The following PGM2 variants were observed in gnomAD, a reference collection of about 807,000 sequenced individuals.
The protein encoded by PGM2 is phosphopentomutase.
In PGM2, 57 loss-of-function variants were observed where a neutral mutation model predicts 74.6. That is an observed-to-expected ratio of 0.76 (90% CI 0.62 to 0.95). The LOEUF (loss-of-function observed/expected upper bound fraction) is 0.95. Among genes scored for constraint, PGM2 ranks in the 40% least tolerant of loss-of-function variants. PGM2 has a pLI of 0.00. For synonymous variants in PGM2, 273 were observed against 260.7 expected, an observed-to-expected ratio of 1.05 and a Z score of -0.46; for missense variants, 706 against 741.9, an observed-to-expected ratio of 0.95 and a Z score of 0.56.
intron 13 of PGM2, among the ~76,000 whole-genome samples, chr4:37,856,466 C>T (rs1219381055): frequency 6.6e-6 from 1 of 152,164 alleles, no homozygotes; most frequent in African/African-American, 2.4e-5. Context: ...GTAGACAGGT[C>T]TGTGCTGGGT....
At chr4:37,861,208 G>A (rs1423599967) in intron 13 of PGM2, among the ~76,000 whole-genome samples, 1 of 152,114 alleles carries the variant, frequency 6.6e-6, no homozygotes, top group Non-Finnish European at 1.5e-5. Flanking sequence ...AGATCTTTTA[G>A]GGATGCTAGG....
At chr4:37,841,646 C>T (rs79775208) in intron 6 of PGM2, among the ~76,000 whole-genome samples, 12,418 of 152,166 alleles carry the variant, frequency 0.082, 971 homozygotes, top group East Asian at 0.18. Context: ...TGTGTGAAAT[C>T]TCCTAATTCC....
intron 13 of PGM2, among the ~76,000 whole-genome samples, chr4:37,856,808 A>G (rs900656071): frequency 1.3e-5 from 2 of 152,210 alleles, no homozygotes; most frequent in Non-Finnish European, 1.5e-5. Flanking sequence ...TTGATTTTCT[A>G]CTTGTCACCT....
At chr4:37,841,164 G>T (rs1725715446) in intron 6 of PGM2, among the ~76,000 whole-genome samples, 1 of 123,842 alleles carries the variant, frequency 8.1e-6, no homozygotes, top group Admixed American at 8.0e-5. Flanking sequence ...ATATTTGTGT[G>T]TGTGTGTGTG....
chr4:37,838,971 T>C lies in PGM2; in HGVS notation c.442-877T>C, dbSNP rs187670824. On this transcript the variant is annotated intron_variant, in intron 4 of 13. Coordinates refer to ENST00000381967, the MANE Select transcript of PGM2 (RefSeq NM_018290.4). ...TTGCCTGTGTGTAATCAATGTCATT[T>C]GCCACAGTAGGGGGAATAATCCAAC... 5.9e-5 allele frequency among the ~76,000 whole-genome samples: 9 copies of C among 152,280 alleles called. No homozygotes were observed. In the East Asian group the frequency reaches 1.5e-3, roughly 26 times the overall value.
At position 37,829,031 on chromosome 4, in the gene PGM2, G is replaced by A. The variant is rs568495659; in HGVS notation, c.82-933G>A. On this transcript the variant is annotated intron_variant, in intron 1 of 13. Coordinates refer to ENST00000381967, the MANE Select transcript of PGM2 (RefSeq NM_018290.4). ...GTTTAATTAAATGGCCACGTCCTGCGTGAGTGCTCATCTAAATGGATAATG... is the reference window on the plus strand; with the variant it reads ...GTTTAATTAAATGGCCACGTCCTGCATGAGTGCTCATCTAAATGGATAATG... Among the ~76,000 whole-genome samples the A allele has an allele frequency of 6.6e-5, 10 of 152,302 alleles. No homozygotes were observed. In the East Asian group the frequency reaches 1.2e-3, roughly 18 times the overall value.
Position 37,855,833 on chromosome 4 carries a change from A to G in PGM2, c.1736+92A>G, listed in dbSNP as rs1038788043. 36 of 1,077,406 alleles carry G rather than the reference A, an allele frequency of 3.3e-5. No homozygotes were observed. The African/African-American group carries it at 5.4e-4, about 16-fold the overall frequency. 66.7% of individuals were successfully genotyped at this position (1,077,406 alleles called of 1,614,324 possible). On this transcript the variant is annotated intron_variant, in intron 13 of 13. Coordinates refer to ENST00000381967, the MANE Select transcript of PGM2 (RefSeq NM_018290.4). ...GCCAAGTGAAATGTTCCATCTTTCT[A>G]ATAGGTAATTTAATTAGAAATGCTG...
In PGM2 at chr4:37,848,670, T is replaced by C. The variant is rs771848121; in HGVS notation, c.1412+19T>C. On this transcript the variant is annotated intron_variant, in intron 11 of 13. Coordinates refer to ENST00000381967, the MANE Select transcript of PGM2 (RefSeq NM_018290.4). The stretch of plus-strand genomic sequence containing the variant: ...ATGTGGAGTAAGTTGTTATTGACTC[T>C]GTTGGATTGAAATAATATTTTGAAA... 11 of 1,577,138 alleles carry C rather than the reference T, an allele frequency of 7.0e-6. No individual in the cohort carries two copies. The highest frequency in any genetic ancestry group is 1.4e-5 in the African/African-American group (1 of 73,446).
Position 37,826,731 on chromosome 4 carries a change from C to T in PGM2, c.-2C>T. On this transcript the variant is annotated 5_prime_UTR_variant, in exon 1 of 14. Coordinates refer to ENST00000381967, the MANE Select transcript of PGM2 (RefSeq NM_018290.4). ...CTCTGCAGCGGTAGCACAAGCTCAG[C>T]GATGGCGGCTCCAGAAGGCAGCGGT... The T allele has an allele frequency of 6.5e-7, 1 of 1,549,096 alleles. No individual in the cohort carries two copies. Among genetic ancestry groups the T allele is most frequent in the Middle Eastern group, 1.7e-4 (1 of 5,982 alleles).
intron 6 of PGM2, among the ~76,000 whole-genome samples, chr4:37,841,685 G>A (rs906741668): frequency 1.3e-5 from 2 of 152,168 alleles, no homozygotes; most frequent in Admixed American, 1.3e-4. Context: ...TTCCAATGGT[G>A]TGTAGTCCAG....
chr4:37,846,799 G>T, intron 8 of PGM2, 132 bp from the exon 9 acceptor site: 1 of 683,896 alleles, frequency 1.5e-6, no homozygotes, highest in East Asian at 2.5e-5. Context: ...TAAAGATGAT[G>T]AATAACAAGA....
intron 9 of PGM2, 22 bp downstream of exon 9, chr4:37,847,133 C>T (rs865910041): frequency 6.2e-7 from 1 of 1,605,720 alleles, no homozygotes; most frequent in Non-Finnish European, 8.5e-7. Flanking sequence ...CTGGGACTCA[C>T]TCATTTTCCT....
intron 13 of PGM2, among the ~76,000 whole-genome samples, 198 bp from the exon 14 acceptor site, chr4:37,861,312 T>C (rs1210228887): frequency 6.6e-6 from 1 of 152,188 alleles, no homozygotes; most frequent in Admixed American, 6.6e-5. Context: ...GGAAAAATAA[T>C]GCATATTGTC....
chr4:37,839,600 G>T (rs1321985624), intron 4 of PGM2: 4 of 619,286 alleles, frequency 6.5e-6, no homozygotes, highest in South Asian at 6.1e-5. Context: ...GTAGAAGATG[G>T]AATGAGAAGG....
intron 6 of PGM2, among the ~76,000 whole-genome samples, chr4:37,841,190 T>TGTGTGTGTGTGTG (rs1491511171): frequency 0.15 from 12,310 of 82,472 alleles, 1,107 homozygotes; most frequent in African/African-American, 0.25. Context: ...GTGTGTGTGG[T>TGTGTGTGTGTGTG]TTGTTCTGTG....
chr4:37,859,061 C>A (rs932392985), intron 13 of PGM2, among the ~76,000 whole-genome samples: 46 of 152,258 alleles, frequency 3.0e-4, no homozygotes, highest in Non-Finnish European at 3.8e-4. Context: ...GGGCTGTGTT[C>A]CAGTAAAACT....
chr4:37,840,665 A>T (rs1223809344), intron 6 of PGM2, among the ~76,000 whole-genome samples: 1 of 152,136 alleles, frequency 6.6e-6, no homozygotes, highest in Non-Finnish European at 1.5e-5. Flanking sequence ...GATTACAGGT[A>T]TGAGCCACCA....
rs577113198 is a variant in PGM2, at chr4:37,844,312, T to C, written c.720-52T>C. On this transcript the variant is annotated intron_variant, in intron 6 of 13. Coordinates refer to ENST00000381967, the MANE Select transcript of PGM2 (RefSeq NM_018290.4). The stretch of plus-strand genomic sequence containing the variant: ...TGCATTCTTGCAAACCTTGCAGTTT[T>C]GAGAGCCCTGTTTCTGCCTTGTATC... 11 of 1,232,074 alleles carry C rather than the reference T, an allele frequency of 8.9e-6. No individual in the cohort carries two copies. In the South Asian group the frequency reaches 1.6e-4, roughly 18 times the overall value. 76.3% of individuals were successfully genotyped at this position (1,232,074 alleles called of 1,614,324 possible). A position where few individuals can be genotyped will look rare whatever the true frequency, so the allele number is the denominator to read the frequency against.
chr4:37,845,525 C>A (rs1477376671), intron 7 of PGM2, 108 bp from the exon 8 acceptor site: 2 of 732,970 alleles, frequency 2.7e-6, no homozygotes, highest in Middle Eastern at 3.0e-4. Flanking sequence ...TATTATCTTT[C>A]TAAGAGGGGA....
Sources: allele counts gnomAD v4.1 joint callset (sites outside exome capture counted in the v4.1 genomes callset), GRCh38; gene constraint gnomAD v4.1.1; transcripts MANE v1.5; gene names NCBI Gene and HGNC (gene_info 2026-07-23, HGNC 2026-07-21).